The following IGSF5 variants were observed in gnomAD, a reference collection of about 807,000 sequenced individuals.
IGSF5 encodes the protein immunoglobulin superfamily 5 like.
Under a neutral mutation model 39.4 loss-of-function variants are expected in IGSF5, and 41 were observed. That is an observed-to-expected ratio of 1.04 (90% CI 0.81 to 1.35). The LOEUF is 1.35. Among genes scored for constraint, IGSF5 ranks in the 40% most tolerant of loss-of-function variants. The pLI is 0.00. For missense variants in IGSF5, 487 were observed against 494.6 expected (o/e 0.98, Z 0.15); for synonymous variants, 183 against 175.3 (o/e 1.04, Z -0.34).
chr21:39,760,401 C>T (rs1057130069), intron 2 of IGSF5, among the ~76,000 whole-genome samples: 7 of 152,238 alleles, frequency 4.6e-5, no homozygotes, highest in South Asian at 2.1e-4. Flanking sequence ...TTGTAACCCC[C>T]GAACAATCAG....
chr21:39,736,016 C>A, the IGSF5 span, among the ~76,000 whole-genome samples: 1 of 150,614 alleles, frequency 6.6e-6, no homozygotes, highest in Non-Finnish European at 1.5e-5. Context: ...TGGGCCTGGC[C>A]CCTCTGTGGG....
chr21:39,724,254 C>T, the IGSF5 span, among the ~76,000 whole-genome samples: 6 of 152,006 alleles, frequency 3.9e-5, no homozygotes, highest in African/African-American at 1.5e-4. Context: ...CAACAATGTA[C>T]CCAGCTAAAA....
chr21:39,778,577 G>A (rs547617914), intron 4 of IGSF5, among the ~76,000 whole-genome samples: 235 of 152,302 alleles, frequency 1.5e-3, no homozygotes, highest in South Asian at 2.7e-3. Flanking sequence ...AGCTGGATGC[G>A]GCTAGGGTGC....
chr21:39,787,354 G>C (rs886262408), intron 5 of IGSF5, among the ~76,000 whole-genome samples: 1 of 152,112 alleles, frequency 6.6e-6, no homozygotes, highest in African/African-American at 2.4e-5. Context: ...TAAGGAAAAT[G>C]AGTATTTAAA....
chr21:39,785,775 C>G (rs2080197555), intron 5 of IGSF5, among the ~76,000 whole-genome samples: 1 of 152,024 alleles, frequency 6.6e-6, no homozygotes, highest in Non-Finnish European at 1.5e-5. Context: ...TCCTTCACAT[C>G]CCTTGTAAGC....
At chr21:39,745,738 A>G (rs985510916) in intron 1 of IGSF5, among the ~76,000 whole-genome samples, 4 of 152,162 alleles carry the variant, frequency 2.6e-5, no homozygotes, top group African/African-American at 9.7e-5. Flanking sequence ...GCCCTTCCCC[A>G]GATAGCCTCA....
At chr21:39,774,763 G>A (rs1041499289) in intron 4 of IGSF5, among the ~76,000 whole-genome samples, 1 of 152,240 alleles carries the variant, frequency 6.6e-6, no homozygotes, top group Non-Finnish European at 1.5e-5. Context: ...TAGGACACAT[G>A]AGCACCTTGT....
intron 2 of IGSF5, among the ~76,000 whole-genome samples, chr21:39,763,079 C>G: frequency 6.6e-6 from 1 of 152,162 alleles, no homozygotes; most frequent in Admixed American, 6.5e-5. Flanking sequence ...GGGAAGGTTA[C>G]TGCTGATAAG....
rs60669244 is a variant in IGSF5, at chr21:39,748,301, C to CTTTTTTTTTTTTTTTTTTTTT, written c.100+2010_100+2030dup. On this transcript the variant is annotated intron_variant, in intron 2 of 8. Coordinates refer to ENST00000380588, the MANE Select transcript of IGSF5 (RefSeq NM_001080444.2). ...TGTGCAAGTGAAGAGAAAACAAGAT[C>CTTTTTTTTTTTTTTTTTTTTT]TTTTTTTTTTTTTTTTTTTTTTTTT... is the stretch of plus-strand genomic sequence containing the variant. Among the ~76,000 whole-genome samples, 5 of 58,216 alleles carry CTTTTTTTTTTTTTTTTTTTTT rather than the reference C, an allele frequency of 8.6e-5. 2 individuals are homozygous for CTTTTTTTTTTTTTTTTTTTTT. The highest frequency in any genetic ancestry group is 1.3e-4 in the African/African-American group (2 of 15,474). The allele number at this position is 58,216 out of a possible 152,430, so 38.2% of individuals were successfully genotyped here. A position where few individuals can be genotyped will look rare whatever the true frequency, so the allele number is the denominator to read the frequency against.
intron 8 of IGSF5, among the ~76,000 whole-genome samples, chr21:39,800,687 C>T (rs2087023792): frequency 6.6e-6 from 1 of 152,200 alleles, no homozygotes; most frequent in Admixed American, 6.5e-5. Context: ...AGCTGCCATT[C>T]TCAGGACTGG....
chr21:39,739,097 T>C, the IGSF5 span, among the ~76,000 whole-genome samples: 2 of 152,038 alleles, frequency 1.3e-5, no homozygotes, highest in African/African-American at 2.4e-5. Context: ...GCCTGGCTAA[T>C]TTTTGTATTT....
upstream of IGSF5, among the ~76,000 whole-genome samples, chr21:39,743,132 A>G (rs1338050655): frequency 2.6e-5 from 4 of 152,070 alleles, no homozygotes. Flanking sequence ...ACGTGAGCAA[A>G]TGTCTGCGGC....
At chr21:39,730,040 A>G in the IGSF5 span, 1 of 152,136 alleles carries the variant, frequency 6.6e-6, no homozygotes, top group Admixed American at 6.5e-5. Flanking sequence ...GAACAATGGA[A>G]AGGCATTTGC....
intron 5 of IGSF5, among the ~76,000 whole-genome samples, chr21:39,781,225 A>G (rs1034681256): frequency 3.3e-5 from 5 of 152,218 alleles, no homozygotes; most frequent in African/African-American, 4.8e-5. Flanking sequence ...GAAGGGCAGT[A>G]CACTATAGAT....
intron 2 of IGSF5, among the ~76,000 whole-genome samples, chr21:39,752,558 G>A (rs1376475345): frequency 6.6e-6 from 1 of 152,126 alleles, no homozygotes; most frequent in Non-Finnish European, 1.5e-5. Context: ...TCAGATGGTA[G>A]TTTTACTTTT....
chr21:39,763,574 G>T (rs1252800812), intron 2 of IGSF5, among the ~76,000 whole-genome samples: 1 of 152,128 alleles, frequency 6.6e-6, no homozygotes, highest in African/African-American at 2.4e-5. Context: ...TCAGCACTTC[G>T]CACAAGGCAC....
chr21:39,800,304 GCATATAAACAA>G (rs1439768266), intron 8 of IGSF5, among the ~76,000 whole-genome samples: 1 of 152,088 alleles, frequency 6.6e-6, no homozygotes, highest in Non-Finnish European at 1.5e-5. Flanking sequence ...CAGAAGATGG[GCATATAAACAA>G]CTTGAGACCT....
At chr21:39,750,726 G>A (rs10427524) in intron 2 of IGSF5, among the ~76,000 whole-genome samples, 16,406 of 144,906 alleles carry the variant, frequency 0.11, 2,886 homozygotes, top group African/African-American at 0.38. Flanking sequence ...TCCAGAGGAC[G>A]CACCCTCGGG....
At chr21:39,800,184 C>A (rs956929244) in intron 8 of IGSF5, among the ~76,000 whole-genome samples, 1 of 152,034 alleles carries the variant, frequency 6.6e-6, no homozygotes, top group African/African-American at 2.4e-5. Flanking sequence ...TTTATTTTGG[C>A]GAATATTTAA....
Sources: gnomAD v4.1 joint callset for allele counts (sites outside exome capture counted in the v4.1 genomes callset) on GRCh38, gnomAD v4.1.1 for gene constraint, MANE v1.5 for transcripts, NCBI Gene and HGNC (gene_info 2026-07-23, HGNC 2026-07-21) for gene names.